The following KHDRBS2 variants were observed in gnomAD, a reference collection of about 807,000 sequenced individuals.
The protein encoded by KHDRBS2 is KH RNA binding domain containing, signal transduction associated 2, also known as KH domain-containing, RNA-binding, signal transduction-associated protein 2.
Under a neutral mutation model 44.3 loss-of-function variants are expected in KHDRBS2, and 26 were observed. That is an observed-to-expected ratio of 0.59 (90% CI 0.43 to 0.81). The LOEUF (loss-of-function observed/expected upper bound fraction) is 0.81, where lower values mean the gene tolerates loss of function less well. Among genes scored for constraint, KHDRBS2 ranks in the 40% least tolerant of loss-of-function variants. The probability of loss-of-function intolerance (pLI) is 0.00; values close to 1 mark genes in which losing one functional copy is unlikely to be tolerated. For synonymous variants in KHDRBS2, 194 were observed against 151.1 expected (o/e 1.28, Z -2.08); for missense variants, 476 against 433.1 (o/e 1.10, Z -0.88).
intron 1 of KHDRBS2, among the ~76,000 whole-genome samples, chr6:62,205,874 A>C (rs1827874176): frequency 6.6e-6 from 1 of 152,110 alleles, no homozygotes; most frequent in South Asian, 2.1e-4. Context: ...AAAGCGAAAG[A>C]GCAGGTTTGC....
intron 2 of KHDRBS2, among the ~76,000 whole-genome samples, chr6:62,137,316 A>T (rs1232052595): frequency 1.1e-4 from 16 of 151,718 alleles, no homozygotes; most frequent in African/African-American, 3.4e-4. Flanking sequence ...TTTTTTCTTA[A>T]ATCAATATAA....
At chr6:61,574,516 C>A in the KHDRBS2 span, 1 of 760,246 alleles carries the variant, frequency 1.3e-6, no homozygotes, top group Non-Finnish European at 2.0e-6. Flanking sequence ...GCTGGGGCGA[C>A]CTCGGAGTAT....
intron 1 of KHDRBS2, among the ~76,000 whole-genome samples, chr6:62,198,232 A>T (rs1826101388): frequency 1.3e-5 from 2 of 152,194 alleles, no homozygotes; most frequent in Non-Finnish European, 2.9e-5. Context: ...ATAAATAACT[A>T]AGATCAGAGC....
chr6:61,953,822 T>A (rs1240547095), intron 4 of KHDRBS2, among the ~76,000 whole-genome samples: 1 of 152,000 alleles, frequency 6.6e-6, no homozygotes, highest in Non-Finnish European at 1.5e-5. Flanking sequence ...AAAGGCTGAC[T>A]CAGAAAGAGT....
At chr6:61,665,272 A>G in the KHDRBS2 span, among the ~76,000 whole-genome samples, 3 of 151,584 alleles carry the variant, frequency 2.0e-5, no homozygotes, top group African/African-American at 7.2e-5. Flanking sequence ...TCATGTTAAT[A>G]TAGGACATAA....
the KHDRBS2 span, among the ~76,000 whole-genome samples, chr6:61,611,018 A>T: frequency 6.6e-6 from 1 of 152,198 alleles, no homozygotes; most frequent in Non-Finnish European, 1.5e-5. Flanking sequence ...CTGGCTATGT[A>T]TTCATATCTA....
At chr6:61,796,188 T>C (rs1785324222) in intron 6 of KHDRBS2, among the ~76,000 whole-genome samples, 1 of 152,090 alleles carries the variant, frequency 6.6e-6, no homozygotes, top group Admixed American at 6.6e-5. Context: ...CATCATGATT[T>C]GGCTTCATTA....
chr6:62,133,271 A>T (rs1163883460), intron 2 of KHDRBS2, among the ~76,000 whole-genome samples: 1 of 152,150 alleles, frequency 6.6e-6, no homozygotes, highest in East Asian at 1.9e-4. Context: ...ACACAGTGGG[A>T]GATAACTGAA....
the KHDRBS2 span, among the ~76,000 whole-genome samples, chr6:61,666,523 G>T: frequency 6.6e-6 from 1 of 151,216 alleles, no homozygotes; most frequent in African/African-American, 2.4e-5. Context: ...TGCATTTCCT[G>T]ATTCTTGCAG....
intron 2 of KHDRBS2, among the ~76,000 whole-genome samples, chr6:62,067,231 A>G (rs1182345203): frequency 6.6e-6 from 1 of 151,562 alleles, no homozygotes; most frequent in Non-Finnish European, 1.5e-5. Flanking sequence ...ACTAAACAGG[A>G]AATCCAAATT....
At chr6:61,569,008 A>C in the KHDRBS2 span, among the ~76,000 whole-genome samples, 1 of 32,774 alleles carries the variant, frequency 3.1e-5, no homozygotes, top group South Asian at 5.8e-4. Context: ...GAGGTCCAAA[A>C]GCCATGCTTG....
At chr6:62,182,283 G>T (rs1822474615) in intron 1 of KHDRBS2, among the ~76,000 whole-genome samples, 1 of 152,030 alleles carries the variant, frequency 6.6e-6, no homozygotes, top group African/African-American at 2.4e-5. Context: ...GAAGCAAGAA[G>T]TATGGTGATG....
chr6:61,950,931 T>C (rs768857074), intron 4 of KHDRBS2, among the ~76,000 whole-genome samples: 2 of 152,102 alleles, frequency 1.3e-5, no homozygotes, highest in Non-Finnish European at 2.9e-5. Context: ...TTTGGGATGA[T>C]GGAAGTAACA....
the KHDRBS2 span, among the ~76,000 whole-genome samples, chr6:61,548,789 G>A: frequency 6.6e-6 from 1 of 152,018 alleles, no homozygotes; most frequent in Non-Finnish European, 1.5e-5. Flanking sequence ...ATAGGAAAAA[G>A]TGGAGTTATC....
intron 6 of KHDRBS2, among the ~76,000 whole-genome samples, chr6:61,775,027 C>A (rs1582766731): frequency 6.6e-6 from 1 of 151,976 alleles, no homozygotes; most frequent in Non-Finnish European, 1.5e-5. Flanking sequence ...ATAAACAGAA[C>A]CAAAGACAAA....
chr6:61,828,911 T>C (rs1224232892), intron 6 of KHDRBS2, among the ~76,000 whole-genome samples: 3 of 152,378 alleles, frequency 2.0e-5, no homozygotes, highest in Admixed American at 2.0e-4. Context: ...GAACCTTAAG[T>C]TGTGTTGAAA....
At chr6:62,185,361 T>G (rs1823208388) in intron 1 of KHDRBS2, among the ~76,000 whole-genome samples, 1 of 151,918 alleles carries the variant, frequency 6.6e-6, no homozygotes, top group African/African-American at 2.4e-5. Flanking sequence ...AAATCTGAAC[T>G]ATGTTGCTAG....
intron 8 of KHDRBS2, among the ~76,000 whole-genome samples, chr6:61,687,256 A>G (rs558905882): frequency 5.7e-4 from 86 of 151,900 alleles, no homozygotes; most frequent in African/African-American, 1.9e-3. Flanking sequence ...AGAAAATTCA[A>G]TCAGCTTCTG....
intron 4 of KHDRBS2, among the ~76,000 whole-genome samples, chr6:61,911,653 G>GA (rs1806065041): frequency 6.6e-6 from 1 of 151,838 alleles, no homozygotes. Context: ...TAGAAAGAAG[G>GA]ACATTTGCTA....
Sources: gnomAD v4.1 joint callset for allele counts (sites outside exome capture counted in the v4.1 genomes callset) on GRCh38, gnomAD v4.1.1 for gene constraint, MANE v1.5 for transcripts, NCBI Gene and HGNC (gene_info 2026-07-23, HGNC 2026-07-21) for gene names.